The following PATJ variants were observed in gnomAD, a reference collection of about 807,000 sequenced individuals.
The protein encoded by PATJ is inaD-like protein.
A neutral mutation model predicts 224.9 loss-of-function variants in PATJ; 190 were observed. The observed-to-expected ratio is 0.84, with a 90% CI of 0.75 to 0.95. The LOEUF is 0.95. Ranked by LOEUF, PATJ falls within the 40% of genes least tolerant of loss-of-function variation. The pLI is 0.00. For synonymous variants in PATJ, 769 were observed against 820.3 expected (o/e 0.94, Z 1.07); for missense variants, 2,121 against 2,270.3 (o/e 0.93, Z 1.34).
chr1:61,865,800 G>A (rs924220805), intron 20 of PATJ, among the ~76,000 whole-genome samples: 5 of 152,012 alleles, frequency 3.3e-5, no homozygotes, highest in African/African-American at 9.7e-5. Context: ...TCTGAGGTTG[G>A]CACCTTTCCT....
chr1:62,053,606 C>G (rs1455201632), intron 31 of PATJ, among the ~76,000 whole-genome samples: 4 of 152,090 alleles, frequency 2.6e-5, no homozygotes, highest in Non-Finnish European at 5.9e-5. Flanking sequence ...GTAATCCCAG[C>G]TACTTGGGAG....
intron 25 of PATJ, among the ~76,000 whole-genome samples, chr1:61,914,213 T>C (rs1673091719): frequency 6.6e-6 from 1 of 152,172 alleles, no homozygotes; most frequent in South Asian, 2.1e-4. Context: ...CCCAGCACTT[T>C]GGGAGGCTGA....
At position 62,098,358 on chromosome 1, in the gene PATJ, C is replaced by CAAAAA. The variant is rs57285107; in HGVS notation, c.4378-10072_4378-10068dup. On this transcript the variant is annotated intron_variant, in intron 33 of 43. Coordinates refer to ENST00000642238, the MANE Select transcript of PATJ (RefSeq NM_001350145.3). ...TGGGTGACAGAGGGAGACTCCATCT[C>CAAAAA]AAAAAAAAAAAGAAAAAAGAAAAAA... Among the ~76,000 whole-genome samples, 9 of 123,452 alleles carry CAAAAA rather than the reference C, an allele frequency of 7.3e-5. 1 individual carries two copies. The highest frequency in any genetic ancestry group is 8.4e-5 in the Non-Finnish European group (5 of 59,586). 81.0% of individuals were successfully genotyped at this position (123,452 alleles called of 152,430 possible).
At chr1:62,041,510 G>C (rs985287875) in intron 30 of PATJ, among the ~76,000 whole-genome samples, 2 of 152,140 alleles carry the variant, frequency 1.3e-5, no homozygotes, top group Non-Finnish European at 2.9e-5. Flanking sequence ...GCAGATCCTT[G>C]ATGTTTTGGA....
At chr1:61,771,805 C>T (rs1462372673) in intron 6 of PATJ, among the ~76,000 whole-genome samples, 179 bp downstream of exon 6, 2 of 151,920 alleles carry the variant, frequency 1.3e-5, no homozygotes, top group Admixed American at 6.6e-5. Flanking sequence ...CTGCAACCTC[C>T]ACCTCCTGGA....
At chr1:61,837,807 AG>A in intron 17 of PATJ, among the ~76,000 whole-genome samples, 2 of 148,812 alleles carry the variant, frequency 1.3e-5, no homozygotes, top group East Asian at 4.0e-4. Flanking sequence ...AAAAAAAAAA[AG>A]GGAAAGATGA....
chr1:62,113,427 A>G (rs550083309), intron 34 of PATJ, among the ~76,000 whole-genome samples: 1 of 152,364 alleles, frequency 6.6e-6, no homozygotes, highest in East Asian at 1.9e-4. Context: ...ACCTGAGCCC[A>G]GGAGTTTGAG....
At chr1:61,951,525 T>C (rs1029982240) in intron 27 of PATJ, among the ~76,000 whole-genome samples, 15 of 151,980 alleles carry the variant, frequency 9.9e-5, no homozygotes, top group Middle Eastern at 3.4e-3. Flanking sequence ...GGTTAAATAA[T>C]GGTATTCAGG....
At chr1:62,107,345 G>A (rs1663221256) in intron 33 of PATJ, among the ~76,000 whole-genome samples, 1 of 151,226 alleles carries the variant, frequency 6.6e-6, no homozygotes, top group Non-Finnish European at 1.5e-5. Context: ...TCTCTCAGCA[G>A]CCCTCTAAGA....
intron 27 of PATJ, among the ~76,000 whole-genome samples, chr1:61,965,152 A>AAAAAAAAAAAAAAAAAAC (rs1681938264): frequency 7.5e-6 from 1 of 132,886 alleles, no homozygotes; most frequent in Non-Finnish European, 1.7e-5. Flanking sequence ...AAAAAAAAAA[A>AAAAAAAAAAAAAAAAAAC]AAAAAAAAAG....
In PATJ at chr1:62,070,242, G is replaced by T. The variant is rs1371918787; in HGVS notation, c.4126-9208G>T. 3.9e-5 allele frequency among the ~76,000 whole-genome samples: 6 copies of T among 152,308 alleles called. No individual in the cohort carries two copies. The East Asian group carries it at 1.2e-3, about 29-fold the overall frequency. ...TAACACCAATAGTTTCTGTTTACGA[G>T]GCAGGTTAGAGTTTTTCCTCTAAAA... On this transcript the variant is annotated intron_variant, in intron 31 of 43. Coordinates refer to ENST00000642238, the MANE Select transcript of PATJ (RefSeq NM_001350145.3).
At chr1:62,080,976 T>G (rs1659203225) in intron 32 of PATJ, among the ~76,000 whole-genome samples, 1 of 152,322 alleles carries the variant, frequency 6.6e-6, no homozygotes, top group Admixed American at 6.5e-5. Context: ...TATTAAAATA[T>G]TCTATGAAAT....
intron 25 of PATJ, among the ~76,000 whole-genome samples, chr1:61,911,691 A>ATT (rs1197172969): frequency 5.4e-4 from 66 of 121,218 alleles, no homozygotes; most frequent in African/African-American, 1.9e-3. Flanking sequence ...TCATCTATAT[A>ATT]TTTTTATATA....
At chr1:62,027,766 G>T (rs1648308336) in intron 29 of PATJ, among the ~76,000 whole-genome samples, 1 of 150,732 alleles carries the variant, frequency 6.6e-6, no homozygotes, top group East Asian at 2.0e-4. Flanking sequence ...GTGCTTATTG[G>T]CTTTTTGTGT....
At chr1:61,998,943 A>AT (rs1645578842) in intron 28 of PATJ, among the ~76,000 whole-genome samples, 1 of 152,128 alleles carries the variant, frequency 6.6e-6, no homozygotes, top group Non-Finnish European at 1.5e-5. Flanking sequence ...ACAATCGTTT[A>AT]TTTTTTATTA....
chr1:62,140,900 C>A (rs1453404751), intron 41 of PATJ, among the ~76,000 whole-genome samples: 2 of 151,520 alleles, frequency 1.3e-5, no homozygotes, highest in Non-Finnish European at 2.9e-5. Flanking sequence ...GAGAGCAAGA[C>A]CTCATCTCTA....
chr1:62,062,654 C>A (rs1328092280), intron 31 of PATJ, among the ~76,000 whole-genome samples: 4 of 151,502 alleles, frequency 2.6e-5, no homozygotes, highest in African/African-American at 9.7e-5. Flanking sequence ...CACCACCACA[C>A]TTGGCTAATT....
Position 61,795,474 on chromosome 1 carries a change from T to G in PATJ, c.1176T>G (p.Ala392=). The change falls in exon 10 of 44, where the codon GCT becomes GCG. Residue 392 remains alanine (A), a synonymous_variant. Transcript: ENST00000642238. The part of the protein sequence containing the change: ...GYVGTSHTGE[A]SGIYVKSIIP... ...ATGTCTGTGCACCTTAAGGGGAAGC[T>G]TCAGGGATTTATGTGAAAAGTATAA... is the stretch of plus-strand genomic sequence containing the variant. The G allele has an allele frequency of 6.3e-7, 1 of 1,594,848 alleles. No homozygotes were observed. Among genetic ancestry groups the G allele is most frequent in the Non-Finnish European group, 8.6e-7 (1 of 1,167,170 alleles).
chr1:61,946,107 G>C (rs936641361), intron 27 of PATJ, among the ~76,000 whole-genome samples: 1 of 152,172 alleles, frequency 6.6e-6, no homozygotes, highest in Non-Finnish European at 1.5e-5. Context: ...GCCCACAAGA[G>C]AAAGCAGGAA....
Sources: gnomAD v4.1 joint callset for allele counts (sites outside exome capture counted in the v4.1 genomes callset) on GRCh38, gnomAD v4.1.1 for gene constraint, MANE v1.5 for transcripts, NCBI Gene and HGNC (gene_info 2026-07-23, HGNC 2026-07-21) for gene names.